ZNF215: variants seen among roughly 807,000 people sequenced by gnomAD.
The protein encoded by ZNF215 is BWSCR2-associated zinc finger protein 2.
Under a neutral mutation model 27.2 loss-of-function variants are expected in ZNF215, and 24 were observed. The ratio of observed to expected loss-of-function variants is 0.88; its 90% CI spans 0.64 to 1.24. ZNF215 has a LOEUF of 1.24. ZNF215 is among the 50% of genes most tolerant of loss of function. The pLI is 0.00. For synonymous variants in ZNF215, 210 were observed against 204.0 expected, an observed-to-expected ratio of 1.03 and a Z score of -0.25; for missense variants, 675 against 605.7, an observed-to-expected ratio of 1.11 and a Z score of -1.20.
Position 6,957,991 on chromosome 11 carries a change from A to G in ZNF215, c.*1460A>G. 1 of 985,416 alleles carries G rather than the reference A, an allele frequency of 1.0e-6. No individual in the cohort carries two copies. Among genetic ancestry groups the G allele is most frequent in the Non-Finnish European group, 1.2e-6 (1 of 829,930 alleles). 61.0% of individuals were successfully genotyped at this position (985,416 alleles called of 1,614,324 possible). ...TTTTGTGAAGGTTCATACCTTATTCAAAGGCAGAAAAGGTATACTGGAGTG... is the reference window on the plus strand; with the variant it reads ...TTTTGTGAAGGTTCATACCTTATTCGAAGGCAGAAAAGGTATACTGGAGTG... On this transcript the variant is annotated 3_prime_UTR_variant, in exon 7 of 7. Coordinates refer to ENST00000278319, the MANE Select transcript of ZNF215 (RefSeq NM_013250.4).
intron 5 of ZNF215, among the ~76,000 whole-genome samples, chr11:6,969,494 A>C (rs1256668614): frequency 6.6e-6 from 1 of 152,176 alleles, no homozygotes; most frequent in Non-Finnish European, 1.5e-5. Context: ...CTATGTGTAC[A>C]AATAACTTGA....
chr11:6,937,514 A>G (rs1412693238), intron 3 of ZNF215, among the ~76,000 whole-genome samples: 2 of 128,400 alleles, frequency 1.6e-5, no homozygotes, highest in African/African-American at 6.3e-5. Context: ...TTTTTTTGTC[A>G]GAAATGGACA....
At chr11:6,927,528 A>G (rs1590039947) in intron 1 of ZNF215, 134 bp from the exon 2 acceptor site, 1 of 152,116 alleles carries the variant, frequency 6.6e-6, no homozygotes, top group Non-Finnish European at 1.5e-5. Context: ...CTAACCATCC[A>G]CTACAACTTC....
chr11:6,956,125 A>C lies in ZNF215; in HGVS notation c.1148A>C (p.Gln383Pro), dbSNP rs1365864518. The C allele has an allele frequency of 2.5e-6, 4 of 1,613,734 alleles. No individual in the cohort carries two copies. The South Asian group carries it at 3.3e-5, about 13-fold the overall frequency. Residue 383 changes from glutamine (Q) to proline (P), a missense_variant, in exon 7 of 7, where the codon CAA (glutamine) becomes CCA (proline). Physicochemically the swap from Gln to Pro is moderately conservative, Grantham distance 76. Coordinates refer to ENST00000278319, the MANE Select transcript of ZNF215 (RefSeq NM_013250.4). ...ACAATGAATTCCTATGAATGTTATC[A>C]ATGTGGGAAAGCCTTCTGCCGAAGT... is the stretch of plus-strand genomic sequence containing the variant. ...HTTMNSYECY[Q>P]CGKAFCRSSS... is the part of the protein sequence containing the mutation.
chr11:6,966,665 G>C (rs1367555352), intron 5 of ZNF215, among the ~76,000 whole-genome samples: 1 of 151,474 alleles, frequency 6.6e-6, no homozygotes, highest in Non-Finnish European at 1.5e-5. Flanking sequence ...CTCTTAGTCT[G>C]GCTACTGGTT....
At chr11:6,947,672 A>G (rs1439309212) in intron 6 of ZNF215, among the ~76,000 whole-genome samples, 3 of 152,248 alleles carry the variant, frequency 2.0e-5, no homozygotes, top group Non-Finnish European at 4.4e-5. Context: ...AAATACTACT[A>G]GAACACTGTT....
chr11:6,928,321 C>G lies in ZNF215; in HGVS notation c.-180+514C>G, dbSNP rs577494114. Among the ~76,000 whole-genome samples, 3 of 152,246 alleles carry G rather than the reference C, an allele frequency of 2.0e-5. No homozygotes were observed. In the South Asian group the frequency reaches 6.2e-4, roughly 32 times the overall value. On this transcript the variant is annotated intron_variant, in intron 2 of 6. Coordinates refer to ENST00000278319, the MANE Select transcript of ZNF215 (RefSeq NM_013250.4). ...CTTTTTTGACTTTATCTGTCAGAGT[C>G]TGAGAAAGTTACCTAATATCCCATT...
chr11:6,993,578 GTTAAT>G (rs1032413181), downstream of ZNF215, among the ~76,000 whole-genome samples: 4 of 151,874 alleles, frequency 2.6e-5, no homozygotes, highest in African/African-American at 7.3e-5. Context: ...TCAATTTTTT[GTTAAT>G]TTATTTTCAG....
intron 2 of ZNF215, among the ~76,000 whole-genome samples, chr11:6,929,578 G>A (rs1849179218): frequency 6.6e-6 from 1 of 152,174 alleles, no homozygotes; most frequent in South Asian, 2.1e-4. Context: ...AGAACCATCT[G>A]TTGGAATTTG....
Position 6,937,964 on chromosome 11 carries a change from A to G in ZNF215, c.401-3607A>G, listed in dbSNP as rs117957331. ...GTAATCAATGCTTAGCTATGACACC[A>G]AAGATACAAGCAACAAAAGAAAAAA... On this transcript the variant is annotated intron_variant, in intron 3 of 6. Transcript: ENST00000278319. 8.5e-3 allele frequency among the ~76,000 whole-genome samples: 1,298 copies of G among 152,130 alleles called. 5 individuals are homozygous for G. Among genetic ancestry groups the G allele is most frequent in the Middle Eastern group, 0.02 (6 of 294 alleles).
chr11:6,984,409 G>C lies in ZNF215; in HGVS notation c.*171G>C, dbSNP rs990422573. 1.9e-5 allele frequency: 3 copies of C among 158,394 alleles called. 1 individual carries two copies. Among genetic ancestry groups the C allele is most frequent in the Middle Eastern group, 6.0e-3 (2 of 336 alleles). The allele number at this position is 158,394 out of a possible 1,614,324, so 9.8% of individuals were successfully genotyped here. On this transcript the variant is annotated 3_prime_UTR_variant, in exon 6 of 6. Transcript: ENST00000529903. Reference sequence around the variant, plus strand: ...CAGGCGTGAGCCACCACGCCCAGCTGTCCCTTAACATTTGAAATGTGTATA... The same window carrying C: ...CAGGCGTGAGCCACCACGCCCAGCTCTCCCTTAACATTTGAAATGTGTATA...
At chr11:6,937,538 A>G (rs183145459) in intron 3 of ZNF215, among the ~76,000 whole-genome samples, 23 of 144,024 alleles carry the variant, frequency 1.6e-4, no homozygotes, top group Middle Eastern at 3.9e-3. Flanking sequence ...TGATCCTAAA[A>G]TTCATAAGGA....
intron 2 of ZNF215, 66 bp from the exon 3 acceptor site, chr11:6,932,028 A>G: frequency 2.7e-6 from 1 of 375,894 alleles, no homozygotes. Context: ...TTTTAATAAT[A>G]TTTGTGTTTT....
At chr11:6,943,296 T>C (rs1172979732) in intron 5 of ZNF215, 81 bp downstream of exon 5, 1 of 1,526,216 alleles carries the variant, frequency 6.6e-7, no homozygotes, top group Admixed American at 2.2e-5. Context: ...CTGAAGTGGC[T>C]AAGTTCACTT....
chr11:6,956,218 G>T lies in ZNF215; in HGVS notation c.1241G>T (p.Arg414Ile). 6.2e-7 allele frequency: 1 copy of T among 1,613,076 alleles called. No homozygotes were observed. The highest frequency in any genetic ancestry group is 8.5e-7 in the Non-Finnish European group (1 of 1,179,646). ...EKPYKCSECG[R>I]FFNRRTNLTK... Reference sequence around the variant, plus strand: ...CCCTATAAATGCAGTGAATGTGGGAGATTCTTCAACCGACGTACAAACCTT... The same window carrying T: ...CCCTATAAATGCAGTGAATGTGGGATATTCTTCAACCGACGTACAAACCTT... The change falls in exon 7 of 7, where the codon AGA becomes ATA. Residue 414 changes from arginine to isoleucine, a missense_variant. Arg to Ile is a moderately conservative substitution (Grantham distance 97). Coordinates refer to ENST00000278319, the MANE Select transcript of ZNF215 (RefSeq NM_013250.4).
At chr11:6,936,875 A>T (rs1300541341) in intron 3 of ZNF215, among the ~76,000 whole-genome samples, 1 of 151,596 alleles carries the variant, frequency 6.6e-6, no homozygotes, top group African/African-American at 2.4e-5. Context: ...ACAAAATCCA[A>T]TGCCCTTTTA....
downstream of ZNF215, among the ~76,000 whole-genome samples, chr11:6,992,722 A>C (rs190217651): frequency 2.0e-4 from 30 of 152,314 alleles, no homozygotes; most frequent in Non-Finnish European, 3.7e-4. Flanking sequence ...ACCAGCTCTG[A>C]GGTCTGAACG....
At chr11:6,951,823 G>C (rs1850083061) in intron 6 of ZNF215, among the ~76,000 whole-genome samples, 5 of 151,924 alleles carry the variant, frequency 3.3e-5, no homozygotes, top group African/African-American at 1.2e-4. Flanking sequence ...TAATTGTGAT[G>C]TTAGGGTGTC....
intron 5 of ZNF215, among the ~76,000 whole-genome samples, chr11:6,972,909 T>A (rs77537937): frequency 0.06 from 314 of 5,272 alleles, no homozygotes; most frequent in East Asian, 0.35. Flanking sequence ...AGGATTTTTT[T>A]AATTTTTTTT....
Sources: allele counts gnomAD v4.1 joint callset (sites outside exome capture counted in the v4.1 genomes callset), GRCh38; gene constraint gnomAD v4.1.1; transcripts MANE v1.5; gene names NCBI Gene and HGNC (gene_info 2026-07-23, HGNC 2026-07-21).